The following NRXN3 variants were observed in gnomAD, a reference collection of about 807,000 sequenced individuals.
NRXN3 encodes the protein neurexin III.
In NRXN3, 32 loss-of-function variants were observed where a neutral mutation model predicts 137.6. The ratio of observed to expected loss-of-function variants is 0.23; its 90% CI spans 0.18 to 0.31. NRXN3 has a LOEUF of 0.31. NRXN3 is among the 10% of genes least tolerant of loss of function. The pLI, the probability that NRXN3 is intolerant of heterozygous loss-of-function variation, is 1.00. For missense variants in NRXN3, 1,574 were observed against 2,062.5 expected, an observed-to-expected ratio of 0.76 and a Z score of 4.59; for synonymous variants, 798 against 784.5, an observed-to-expected ratio of 1.02 and a Z score of -0.29.
At chr14:78,986,011 C>G (rs914664106) in intron 14 of NRXN3, among the ~76,000 whole-genome samples, 45 of 152,156 alleles carry the variant, frequency 3.0e-4, no homozygotes, top group Non-Finnish European at 8.8e-5. Flanking sequence ...ATAGCATTGT[C>G]TTATGAGTGA....
At chr14:79,399,093 C>T (rs1487543214) in intron 15 of NRXN3, among the ~76,000 whole-genome samples, 1 of 151,568 alleles carries the variant, frequency 6.6e-6, no homozygotes, top group Non-Finnish European at 1.5e-5. Context: ...GACCAGGTTC[C>T]ATAGGGCACG....
chr14:79,776,005 GAATT>G lies in NRXN3; in HGVS notation c.4015-29103_4015-29100del, dbSNP rs545497206. On this transcript the variant is annotated intron_variant, in intron 19 of 20. Transcript: ENST00000335750. ...GGTTCTTCATAAATAGCCAAGGAATGAATTAATGAGTGATGGGATGAGTGTGAGT... is the reference window on the plus strand; with the variant it reads ...GGTTCTTCATAAATAGCCAAGGAATGAATGAGTGATGGGATGAGTGTGAGT... Among the ~76,000 whole-genome samples the G allele has an allele frequency of 3.9e-4, 59 of 152,274 alleles. 1 individual carries two copies. In the South Asian group the frequency reaches 0.011, roughly 29 times the overall value.
chr14:79,630,267 T>C (rs563612092), intron 16 of NRXN3, among the ~76,000 whole-genome samples: 18 of 152,342 alleles, frequency 1.2e-4, no homozygotes, highest in African/African-American at 4.3e-4. Context: ...CATTCTTGCA[T>C]ACTTGCCCCC....
Position 78,675,186 on chromosome 14 carries a change from G to A in NRXN3, c.1221+23860G>A, listed in dbSNP as rs114793590. Among the ~76,000 whole-genome samples the A allele has an allele frequency of 8.7e-3, 1,318 of 152,236 alleles. 22 individuals are homozygous for A. Among genetic ancestry groups the A allele is most frequent in the African/African-American group, 0.03 (1,263 of 41,542 alleles). On this transcript the variant is annotated intron_variant, in intron 6 of 20. Coordinates refer to ENST00000335750, the MANE Select transcript of NRXN3 (RefSeq NM_001330195.2). ...GCCTAAATAAGAGGCAGAATTGGGA[G>A]GCTTTTTCTTTGCACCTCACCTTCC...
In NRXN3 at chr14:78,485,430, G is replaced by A. The variant is rs2095546274; in HGVS notation, c.758-159690G>A. Among the ~76,000 whole-genome samples, 6 of 152,142 alleles carry A rather than the reference G, an allele frequency of 3.9e-5. No homozygotes were observed. In the South Asian group the frequency reaches 1.2e-3, roughly 31 times the overall value. On this transcript the variant is annotated intron_variant, in intron 4 of 20. Coordinates refer to ENST00000335750, the MANE Select transcript of NRXN3 (RefSeq NM_001330195.2). ...TATGTCTTTTATATCGTCTTCAGAT[G>A]ACTACAATAAACACACACTAATTGG...
At chr14:79,280,325 C>A (rs1455477263) in intron 15 of NRXN3, 1 of 1,614,026 alleles carries the variant, frequency 6.2e-7, no homozygotes, top group Non-Finnish European at 8.5e-7. Flanking sequence ...ACGGAGCCCT[C>A]CTCGCCGGCC....
At chr14:78,204,010 C>G (rs1051709381) in intron 1 of NRXN3, among the ~76,000 whole-genome samples, 4 of 151,880 alleles carry the variant, frequency 2.6e-5, no homozygotes, top group Admixed American at 2.6e-4. Flanking sequence ...ATTCTTTAAC[C>G]TTTTATTGAA....
intron 16 of NRXN3, among the ~76,000 whole-genome samples, chr14:79,582,950 G>A (rs2097730610): frequency 6.6e-6 from 1 of 152,172 alleles, no homozygotes; most frequent in African/African-American, 2.4e-5. Flanking sequence ...TGACAAGTTA[G>A]TCTTAGGTAT....
intron 4 of NRXN3, among the ~76,000 whole-genome samples, chr14:78,378,022 A>G (rs1267347903): frequency 6.6e-6 from 1 of 152,234 alleles, no homozygotes; most frequent in Non-Finnish European, 1.5e-5. Context: ...ATCCTGGGCC[A>G]TAAAACAAAC....
chr14:79,262,450 GAGGAGGA>G (rs956702030), intron 15 of NRXN3, among the ~76,000 whole-genome samples: 161 of 150,710 alleles, frequency 1.1e-3, no homozygotes, highest in African/African-American at 3.8e-3. Context: ...GGAGAAAGAG[GAGGAGGA>G]AGGAGGAAGG....
chr14:78,652,512 T>C (rs935694360), intron 6 of NRXN3, among the ~76,000 whole-genome samples: 20 of 152,224 alleles, frequency 1.3e-4, no homozygotes, highest in African/African-American at 4.8e-4. Context: ...ATCTATACCA[T>C]CTCCCTGGGG....
At chr14:79,844,740 A>C (rs141986900) in intron 20 of NRXN3, among the ~76,000 whole-genome samples, 8 of 152,286 alleles carry the variant, frequency 5.3e-5, no homozygotes, top group African/African-American at 1.7e-4. Context: ...CATAATTCTT[A>C]AGAACCCTAG....
chr14:78,551,378 C>T (rs987311454), intron 4 of NRXN3, among the ~76,000 whole-genome samples: 6 of 152,082 alleles, frequency 3.9e-5, no homozygotes, highest in African/African-American at 1.4e-4. Context: ...TTATTACTGA[C>T]TTCCAGAAGA....
At chr14:78,655,681 GAATA>G (rs1434639329) in intron 6 of NRXN3, among the ~76,000 whole-genome samples, 1 of 152,092 alleles carries the variant, frequency 6.6e-6, no homozygotes, top group East Asian at 1.9e-4. Context: ...AGTATGTCTG[GAATA>G]AATAAATAAA....
chr14:78,516,334 AT>A (rs2096206837), intron 4 of NRXN3, among the ~76,000 whole-genome samples: 1 of 150,858 alleles, frequency 6.6e-6, no homozygotes, highest in African/African-American at 2.4e-5. Flanking sequence ...AATAGTTGTT[AT>A]CCCTTTTAAT....
At chr14:79,096,746 C>T (rs1021706588) in intron 15 of NRXN3, among the ~76,000 whole-genome samples, 1 of 152,106 alleles carries the variant, frequency 6.6e-6, no homozygotes, top group African/African-American at 2.4e-5. Context: ...CCCATATTCC[C>T]CTCCCCCAAC....
chr14:79,698,639 ACTC>A, intron 19 of NRXN3, among the ~76,000 whole-genome samples: 1 of 151,968 alleles, frequency 6.6e-6, no homozygotes, highest in South Asian at 2.1e-4. Flanking sequence ...TACTTTGCTG[ACTC>A]CCTTGGCATT....
intron 6 of NRXN3, among the ~76,000 whole-genome samples, chr14:78,678,056 T>A (rs2098028222): frequency 6.6e-6 from 1 of 152,202 alleles, no homozygotes; most frequent in South Asian, 2.1e-4. Flanking sequence ...AACATTTGTG[T>A]AACTCACTTT....
intron 19 of NRXN3, among the ~76,000 whole-genome samples, chr14:79,721,489 TC>T (rs1568007884): frequency 6.6e-6 from 1 of 152,166 alleles, no homozygotes; most frequent in Non-Finnish European, 1.5e-5. Flanking sequence ...GAGCACTGTA[TC>T]TTTTGCTTCG....
Sources: allele counts gnomAD v4.1 joint callset (sites outside exome capture counted in the v4.1 genomes callset), GRCh38; gene constraint gnomAD v4.1.1; transcripts MANE v1.5; gene names NCBI Gene and HGNC (gene_info 2026-07-23, HGNC 2026-07-21).